Variants in FHIT observed in about 807,000 individuals in gnomAD.
FHIT encodes bis(5'-adenosyl)-triphosphatase.
Under a neutral mutation model 17.9 loss-of-function variants are expected in FHIT, and 19 were observed. The ratio of observed to expected loss-of-function variants is 1.06; its 90% CI spans 0.74 to 1.56. The LOEUF is 1.56. Among genes scored for constraint, FHIT ranks in the 40% most tolerant of loss-of-function variants. The pLI, the probability that FHIT is intolerant of heterozygous loss-of-function variation, is 0.00. For missense variants in FHIT, 248 were observed against 189.2 expected, an observed-to-expected ratio of 1.31 and a Z score of -1.82; for synonymous variants, 81 against 69.7, an observed-to-expected ratio of 1.16 and a Z score of -0.81.
intron 3 of FHIT, among the ~76,000 whole-genome samples, chr3:60,841,229 G>A (rs1209999016): frequency 1.3e-5 from 2 of 152,200 alleles, no homozygotes; most frequent in African/African-American, 4.8e-5. Flanking sequence ...GGCAGTAAAG[G>A]ACAAGCTGTC....
At chr3:60,413,792 G>C (rs1381193444) in intron 5 of FHIT, among the ~76,000 whole-genome samples, 1 of 152,128 alleles carries the variant, frequency 6.6e-6, no homozygotes, top group Non-Finnish European at 1.5e-5. Flanking sequence ...ATGCAGATCA[G>C]AAGAAACATA....
At chr3:60,227,580 G>A (rs1704274672) in intron 5 of FHIT, among the ~76,000 whole-genome samples, 1 of 152,086 alleles carries the variant, frequency 6.6e-6, no homozygotes, top group Non-Finnish European at 1.5e-5. Flanking sequence ...GGAAGAACAC[G>A]GCTGAAATGA....
At chr3:59,808,067 A>G (rs1700272195) in intron 8 of FHIT, among the ~76,000 whole-genome samples, 1 of 151,720 alleles carries the variant, frequency 6.6e-6, no homozygotes, top group Non-Finnish European at 1.5e-5. Flanking sequence ...CCCTGCACCC[A>G]TTAAGTGGTA....
chr3:60,599,442 C>T (rs368343072), intron 4 of FHIT, among the ~76,000 whole-genome samples: 165 of 152,218 alleles, frequency 1.1e-3, no homozygotes, highest in South Asian at 5.0e-3. Context: ...AGATAAGATA[C>T]TTTGAGTACG....
intron 3 of FHIT, among the ~76,000 whole-genome samples, chr3:60,855,450 A>C (rs145262300): frequency 1.3e-5 from 2 of 152,134 alleles, no homozygotes; most frequent in African/African-American, 4.8e-5. Context: ...GAGCTGTAGA[A>C]GCCGTCTTGT....
At chr3:59,916,486 T>C (rs1007881852) in intron 8 of FHIT, among the ~76,000 whole-genome samples, 2 of 152,198 alleles carry the variant, frequency 1.3e-5, no homozygotes, top group Non-Finnish European at 2.9e-5. Flanking sequence ...CATATATACA[T>C]CTATCCTACT....
intron 8 of FHIT, among the ~76,000 whole-genome samples, chr3:59,759,112 G>A (rs1701370619): frequency 6.6e-6 from 1 of 151,908 alleles, no homozygotes; most frequent in Non-Finnish European, 1.5e-5. Context: ...AAAGGGGCAG[G>A]AAGGAATATT....
At chr3:60,766,220 G>T (rs922092886) in intron 4 of FHIT, among the ~76,000 whole-genome samples, 2 of 152,142 alleles carry the variant, frequency 1.3e-5, no homozygotes, top group Non-Finnish European at 2.9e-5. Context: ...ATTAAGAAGA[G>T]ATGTCTATTC....
chr3:60,381,433 G>C (rs986361302), intron 5 of FHIT, among the ~76,000 whole-genome samples: 7 of 151,334 alleles, frequency 4.6e-5, no homozygotes, highest in Non-Finnish European at 2.9e-5. Flanking sequence ...AGCCGAGACC[G>C]TGCCATTGCA....
At chr3:59,992,545 G>A (rs1291648149) in intron 7 of FHIT, among the ~76,000 whole-genome samples, 1 of 152,032 alleles carries the variant, frequency 6.6e-6, no homozygotes, top group Non-Finnish European at 1.5e-5. Flanking sequence ...TACTCCCAGA[G>A]ACTGGATCAA....
At chr3:61,154,697 A>G (rs780311187) in intron 2 of FHIT, among the ~76,000 whole-genome samples, 6 of 152,194 alleles carry the variant, frequency 3.9e-5, no homozygotes, top group Non-Finnish European at 5.9e-5. Context: ...CCCTGGAATG[A>G]GCCAGAAAAA....
intron 5 of FHIT, among the ~76,000 whole-genome samples, chr3:60,128,268 T>C (rs1315971985): frequency 2.6e-5 from 4 of 152,210 alleles, no homozygotes; most frequent in African/African-American, 7.2e-5. Context: ...GGGAGGTAAC[T>C]GAATCATGGT....
chr3:60,046,208 A>G (rs1701646676), intron 5 of FHIT, among the ~76,000 whole-genome samples: 2 of 152,138 alleles, frequency 1.3e-5, no homozygotes, highest in South Asian at 4.1e-4. Flanking sequence ...ACTACTTTCC[A>G]TTGCCTTTTT....
chr3:59,917,092 A>G (rs1705169089), intron 8 of FHIT, among the ~76,000 whole-genome samples: 1 of 152,258 alleles, frequency 6.6e-6, no homozygotes, highest in African/African-American at 2.4e-5. Context: ...CATCAGCAAT[A>G]TAATGGTTCT....
At chr3:60,764,266 C>T (rs1293937706) in intron 4 of FHIT, among the ~76,000 whole-genome samples, 5 of 149,872 alleles carry the variant, frequency 3.3e-5, no homozygotes, top group South Asian at 2.1e-4. Context: ...CACACACACA[C>T]ATATACTAGA....
At chr3:60,432,988 T>C (rs7621114) in intron 5 of FHIT, among the ~76,000 whole-genome samples, 20,856 of 151,846 alleles carry the variant, frequency 0.14, 1,680 homozygotes, top group Admixed American at 0.26. Context: ...CTAGATAATA[T>C]TGTTAACTGT....
At chr3:60,746,072 C>T (rs1349013419) in intron 4 of FHIT, among the ~76,000 whole-genome samples, 2 of 152,184 alleles carry the variant, frequency 1.3e-5, no homozygotes, top group East Asian at 1.9e-4. Flanking sequence ...GTCATTAGCA[C>T]TGCACCTGAT....
intron 5 of FHIT, among the ~76,000 whole-genome samples, chr3:60,166,840 ATC>A (rs1297148211): frequency 2.0e-5 from 3 of 152,192 alleles, no homozygotes; most frequent in African/African-American, 7.2e-5. Flanking sequence ...CAAATATTAT[ATC>A]TAGGGTGAGA....
intron 5 of FHIT, among the ~76,000 whole-genome samples, chr3:60,445,109 A>G (rs2031231409): frequency 6.6e-6 from 1 of 152,118 alleles, no homozygotes; most frequent in Non-Finnish European, 1.5e-5. Flanking sequence ...GTACTCTAAA[A>G]TATGGTAATC....
Sources: allele counts gnomAD v4.1 joint callset (sites outside exome capture counted in the v4.1 genomes callset), GRCh38; gene constraint gnomAD v4.1.1; transcripts MANE v1.5; gene names NCBI Gene and HGNC (gene_info 2026-07-23, HGNC 2026-07-21).